FILIP1: variants seen among roughly 807,000 people sequenced by gnomAD.
The protein encoded by FILIP1 is filamin-A-interacting protein 1.
FILIP1 carries 61 observed loss-of-function variants against 102.1 expected under a neutral mutation model. That is an observed-to-expected ratio of 0.60 (90% CI 0.49 to 0.74). The LOEUF (loss-of-function observed/expected upper bound fraction) is 0.74, where lower values mean the gene tolerates loss of function less well. Among genes scored for constraint, FILIP1 ranks in the 30% least tolerant of loss-of-function variants. The probability of loss-of-function intolerance (pLI) is 0.00; values close to 1 mark genes in which losing one functional copy is unlikely to be tolerated. For missense variants in FILIP1, 1,314 were observed against 1,441.2 expected (o/e 0.91, Z 1.43); for synonymous variants, 491 against 526.9 (o/e 0.93, Z 0.93).
chr6:75,301,009 A>G (rs1201941677), intron 6 of FILIP1, among the ~76,000 whole-genome samples: 1 of 152,250 alleles, frequency 6.6e-6, no homozygotes, highest in African/African-American at 2.4e-5. Context: ...AACTATAAAT[A>G]AAAATTAAGT....
intron 3 of FILIP1, chr6:75,360,973 G>A (rs1775156198): frequency 6.6e-6 from 1 of 152,188 alleles, no homozygotes; most frequent in Non-Finnish European, 1.5e-5. Flanking sequence ...TGTGTAAGTG[G>A]TGGAAGGCAA....
intron 4 of FILIP1, among the ~76,000 whole-genome samples, chr6:75,352,544 C>T (rs1443840895): frequency 6.6e-6 from 1 of 152,138 alleles, no homozygotes; most frequent in East Asian, 1.9e-4. Context: ...GAATAAACAT[C>T]AAGGCTCAAT....
downstream of FILIP1, among the ~76,000 whole-genome samples, chr6:75,305,763 G>A (rs1042743244): frequency 6.1e-5 from 5 of 82,398 alleles, no homozygotes; most frequent in African/African-American, 1.9e-4. Context: ...TGTGTAGATC[G>A]TGTCCTGCAC....
chr6:75,449,324 G>A (rs1324411810), intron 1 of FILIP1, among the ~76,000 whole-genome samples: 1 of 152,114 alleles, frequency 6.6e-6, no homozygotes, highest in Non-Finnish European at 1.5e-5. Flanking sequence ...GGGGACTTGG[G>A]GGGAAAGGAT....
intron 4 of FILIP1, among the ~76,000 whole-genome samples, chr6:75,337,544 CT>C (rs112013774): frequency 0.032 from 4,634 of 144,468 alleles, 215 homozygotes; most frequent in African/African-American, 0.1. Flanking sequence ...TCTCACAAAA[CT>C]TTTTTTTTTT....
intron 2 of FILIP1, chr6:75,399,214 A>G (rs1776569470): frequency 6.6e-6 from 1 of 152,238 alleles, no homozygotes; most frequent in South Asian, 2.1e-4. Flanking sequence ...GCACTTGAGG[A>G]GATAAAGCAG....
chr6:75,481,508 C>A (rs115761860), intron 1 of FILIP1, among the ~76,000 whole-genome samples: 1,538 of 152,308 alleles, frequency 0.01, 30 homozygotes, highest in African/African-American at 0.035. Flanking sequence ...CTCCTTCCTG[C>A]TCCTGCTGAC....
chr6:75,377,188 A>G (rs997694356), intron 2 of FILIP1, among the ~76,000 whole-genome samples: 1 of 152,194 alleles, frequency 6.6e-6, no homozygotes, highest in Non-Finnish European at 1.5e-5. Flanking sequence ...ATCTTTAACA[A>G]TATTCCCATT....
At chr6:75,443,075 T>A (rs562503346) in intron 1 of FILIP1, among the ~76,000 whole-genome samples, 1 of 152,348 alleles carries the variant, frequency 6.6e-6, no homozygotes, top group South Asian at 2.1e-4. Context: ...CTAACTTATT[T>A]GTCCAATTTT....
chr6:75,320,875 C>A (rs1365518643), intron 4 of FILIP1, among the ~76,000 whole-genome samples: 1 of 152,216 alleles, frequency 6.6e-6, no homozygotes, highest in Non-Finnish European at 1.5e-5. Flanking sequence ...ATGGGCTGAG[C>A]AAGATATCCC....
At chr6:75,356,744 C>T (rs759481142) in intron 3 of FILIP1, among the ~76,000 whole-genome samples, 13 of 152,186 alleles carry the variant, frequency 8.5e-5, no homozygotes, top group Non-Finnish European at 1.5e-4. Flanking sequence ...GCTGGGATTA[C>T]AGGCATGAGC....
intron 1 of FILIP1, among the ~76,000 whole-genome samples, chr6:75,488,458 A>C (rs760476089): frequency 6.6e-6 from 1 of 151,702 alleles, no homozygotes; most frequent in Non-Finnish European, 1.5e-5. Context: ...AAAAAAAAAC[A>C]TAATCCAATA....
rs766720526 is a variant in FILIP1, at chr6:75,308,858, G to A, written c.3475C>T (p.Arg1159Cys). The A allele has an allele frequency of 5.6e-6, 9 of 1,613,954 alleles. No homozygotes were observed. Among genetic ancestry groups the A allele is most frequent in the South Asian group, 3.3e-5 (3 of 91,082 alleles). ...TTCATACCTTTTGACATAGGAATGC[G>A]GGTGGGTGTAGGCCGCTGGGATGAC... ...DGSSQRPTPT[R>C]IPMSKGMKAG... is the part of the protein sequence containing the mutation. The change falls in exon 6 of 6, where the codon CGC becomes TGC. Residue 1159 changes from arginine to cysteine, a missense_variant. Around this residue, in one of 3 missense-constraint regions of FILIP1, gnomAD observed 816 missense variants for 913.1 expected, o/e 0.89. Transcript: ENST00000237172.
At chr6:75,378,524 A>C (rs1185564984) in intron 2 of FILIP1, among the ~76,000 whole-genome samples, 1 of 152,204 alleles carries the variant, frequency 6.6e-6, no homozygotes, top group East Asian at 1.9e-4. Context: ...GATTACAAAT[A>C]AATGTTAGCA....
At chr6:75,453,878 T>C (rs772836341) in intron 1 of FILIP1, 8 of 446,486 alleles carry the variant, frequency 1.8e-5, no homozygotes, top group Non-Finnish European at 3.6e-5. Flanking sequence ...TGTCATGTGA[T>C]GCAAATACAC....
intron 1 of FILIP1, among the ~76,000 whole-genome samples, chr6:75,450,084 C>T (rs1000138216): frequency 1.2e-4 from 18 of 152,086 alleles, no homozygotes; most frequent in African/African-American, 1.9e-4. Context: ...GAACTACAGG[C>T]GCACACCACT....
chr6:75,465,224 A>C, intron 1 of FILIP1: 1 of 215,954 alleles, frequency 4.6e-6, no homozygotes, highest in Non-Finnish European at 9.2e-6. Flanking sequence ...GAGATGGCAC[A>C]GTTAACTGCG....
At chr6:75,347,489 C>G (rs1038398252) in intron 4 of FILIP1, among the ~76,000 whole-genome samples, 4 of 152,184 alleles carry the variant, frequency 2.6e-5, no homozygotes, top group African/African-American at 9.6e-5. Context: ...TACAAAGCAT[C>G]AGCAACCTTT....
chr6:75,431,706 C>T (rs1777828326), intron 1 of FILIP1, among the ~76,000 whole-genome samples: 1 of 152,148 alleles, frequency 6.6e-6, no homozygotes, highest in Non-Finnish European at 1.5e-5. Flanking sequence ...AGCCAGCTGT[C>T]CTAGGCAGAG....
Sources: allele counts gnomAD v4.1 joint callset (sites outside exome capture counted in the v4.1 genomes callset), GRCh38; gene constraint gnomAD v4.1.1; regional missense constraint gnomAD v4.1.1; transcripts MANE v1.5; gene names NCBI Gene and HGNC (gene_info 2026-07-23, HGNC 2026-07-21).